Variants in SHROOM2 observed in about 807,000 individuals in gnomAD.
The protein encoded by SHROOM2 is protein Shroom2.
Under a neutral mutation model 75.9 loss-of-function variants are expected in SHROOM2, and 33 were observed. The observed-to-expected ratio is 0.43, with a 90% CI of 0.33 to 0.58. The LOEUF is 0.58. SHROOM2 is among the 20% of genes least tolerant of loss of function. The pLI, the probability that SHROOM2 is intolerant of heterozygous loss-of-function variation, is 0.04. For synonymous variants in SHROOM2, 655 were observed against 663.6 expected (o/e 0.99, Z 0.20); for missense variants, 1,434 against 1,461.2 (o/e 0.98, Z 0.30).
intron 7 of SHROOM2, among the ~76,000 whole-genome samples, chrX:9,938,229 A>T (rs1272420551): frequency 8.9e-6 from 1 of 111,881 alleles, no homozygotes; most frequent in African/African-American, 3.3e-5. Flanking sequence ...ACTTTATTTG[A>T]AATTTTTTTA....
intron 1 of SHROOM2, among the ~76,000 whole-genome samples, chrX:9,788,625 G>A (rs1429967378): frequency 9.0e-6 from 1 of 111,500 alleles, no homozygotes; most frequent in Admixed American, 9.5e-5. Context: ...ATCAGACTCT[G>A]GCCCCAGTGT....
At chrX:9,920,602 G>T (rs1569169890) in intron 5 of SHROOM2, among the ~76,000 whole-genome samples, 1 of 112,309 alleles carries the variant, frequency 8.9e-6, no homozygotes. Flanking sequence ...TTATCACAGA[G>T]ATTCAGATAT....
rs1245040476 is a variant in SHROOM2 at position 9,948,702 on chromosome X, T to A, written c.*1765T>A. 2 of 113,168 alleles carry A rather than the reference T, an allele frequency of 1.8e-5. No individual in the cohort carries two copies. The highest frequency in any genetic ancestry group is 6.4e-5 in the African/African-American group (2 of 31,064). The allele number at this position is 113,168 out of a possible 1,213,427, so 9.3% of individuals were successfully genotyped here. A position where few individuals can be genotyped will look rare whatever the true frequency, so the allele number is the denominator to read the frequency against. ...TGGCAGCCTACCAATGCCAAAAGGA[T>A]AAATGTCTTTCCAAAAGTGTGTATT... On this transcript the variant is annotated 3_prime_UTR_variant, in exon 10 of 10. Coordinates refer to ENST00000380913, the MANE Select transcript of SHROOM2 (RefSeq NM_001649.4).
intron 2 of SHROOM2, among the ~76,000 whole-genome samples, chrX:9,875,598 C>G (rs145949059): frequency 0.011 from 1,281 of 112,017 alleles, 18 homozygotes; most frequent in African/African-American, 0.04. Context: ...GCATAGCTGG[C>G]CAACTTTGTA....
intron 5 of SHROOM2, among the ~76,000 whole-genome samples, chrX:9,913,969 G>A (rs1171207211): frequency 1.8e-5 from 2 of 110,993 alleles, no homozygotes; most frequent in East Asian, 5.6e-4. Flanking sequence ...TGCATGGGTG[G>A]TAGAGGCACA....
intron 1 of SHROOM2, among the ~76,000 whole-genome samples, chrX:9,814,516 G>A (rs888910750): frequency 4.5e-5 from 5 of 111,320 alleles, no homozygotes; most frequent in Admixed American, 9.6e-5. Flanking sequence ...TGGGACTTTA[G>A]TGATAGGTCT....
At chrX:9,898,521 C>T (rs769346304) in intron 5 of SHROOM2, among the ~76,000 whole-genome samples, 4 of 112,514 alleles carry the variant, frequency 3.6e-5, no homozygotes, top group Admixed American at 2.8e-4. Flanking sequence ...CCTTCTTACA[C>T]GGCGGTGACA....
chrX:9,866,926 C>G (rs2084142691), intron 1 of SHROOM2, among the ~76,000 whole-genome samples: 1 of 110,664 alleles, frequency 9.0e-6, no homozygotes, highest in African/African-American at 3.3e-5. Flanking sequence ...GCCTTCCCAG[C>G]TTTTTCTAGT....
intron 1 of SHROOM2, among the ~76,000 whole-genome samples, chrX:9,789,358 C>T (rs1468436489): frequency 9.0e-6 from 1 of 110,996 alleles, no homozygotes; most frequent in Non-Finnish European, 1.9e-5. Context: ...TGACAGATGG[C>T]GACAGGATTC....
intron 2 of SHROOM2, among the ~76,000 whole-genome samples, chrX:9,885,191 A>T (rs2084253943): frequency 8.9e-6 from 1 of 112,320 alleles, no homozygotes; most frequent in African/African-American, 3.2e-5. Flanking sequence ...TCTGTCCTGC[A>T]CATGAGACCC....
intron 1 of SHROOM2, among the ~76,000 whole-genome samples, chrX:9,825,676 G>A (rs2083883897): frequency 2.7e-5 from 3 of 111,931 alleles, no homozygotes; most frequent in Admixed American, 9.5e-5. Context: ...CTGAGTGCTC[G>A]AGCTGCATTT....
At chrX:9,857,806 G>A (rs1033611885) in intron 1 of SHROOM2, among the ~76,000 whole-genome samples, 2 of 110,714 alleles carry the variant, frequency 1.8e-5, no homozygotes, top group African/African-American at 3.3e-5. Context: ...TGCAAAATTC[G>A]TGCATCCTGG....
rs961288162 is a variant in SHROOM2, at chrX:9,849,501, A to G, written c.166-24151A>G. Among the ~76,000 whole-genome samples, 4 of 111,847 alleles carry G rather than the reference A, an allele frequency of 3.6e-5. No individual in the cohort carries two copies. In the East Asian group the frequency reaches 1.1e-3, roughly 31 times the overall value. ...CTTGCTAAGCTGGGCGGGCGTGGCT[A>G]GGAGTTTGAGCAGTAACCAAAGTTT... On this transcript the variant is annotated intron_variant, in intron 1 of 9. Coordinates refer to ENST00000380913, the MANE Select transcript of SHROOM2 (RefSeq NM_001649.4).
At chrX:9,935,257 A>G (rs2084690176) in intron 6 of SHROOM2, among the ~76,000 whole-genome samples, 1 of 110,551 alleles carries the variant, frequency 9.0e-6, no homozygotes, top group South Asian at 3.8e-4. Flanking sequence ...GGGAGTGCAG[A>G]GGGTTCTGCG....
intron 1 of SHROOM2, among the ~76,000 whole-genome samples, chrX:9,790,945 AG>A (rs2083644418): frequency 9.0e-6 from 1 of 110,556 alleles, no homozygotes; most frequent in African/African-American, 3.3e-5. Flanking sequence ...GGAGGCTTTG[AG>A]GGTCAGCTCT....
chrX:9,904,737 C>T (rs2084382808), intron 5 of SHROOM2, among the ~76,000 whole-genome samples: 1 of 112,629 alleles, frequency 8.9e-6, no homozygotes, highest in Non-Finnish European at 1.9e-5. Flanking sequence ...TACCTGGAAA[C>T]ATAGATGTCC....
rs751904463 is a variant in SHROOM2, at chrX:9,895,319, G to A, written c.1411G>A (p.Gly471Arg). 41 of 1,172,280 alleles carry A rather than the reference G, an allele frequency of 3.5e-5. No individual in the cohort carries two copies. Among genetic ancestry groups the A allele is most frequent in the Non-Finnish European group, 4.6e-5 (40 of 876,556 alleles). The change falls in exon 4 of 10, where the codon GGG becomes AGG. Residue 471 changes from glycine to arginine, a missense_variant. Gly to Arg is a moderately radical substitution (Grantham distance 125). Around this residue, in one of 3 missense-constraint regions of SHROOM2, gnomAD observed 1,340 missense variants for 1,338.3 expected, o/e 1.00. Transcript: ENST00000380913. ...GCTCAGCAGCTGTGACCAGAAGCTG[G>A]GGAGCGGCTGGCAGGGTCCCCGGCC... ...RGLSSCDQKL[G>R]SGWQGPRPCV...
chrX:9,866,174 T>C (rs1391603477), intron 1 of SHROOM2, among the ~76,000 whole-genome samples: 1 of 105,541 alleles, frequency 9.5e-6, no homozygotes, highest in Non-Finnish European at 1.9e-5. Context: ...GGAGCACAAG[T>C]CTGTCTCACA....
At chrX:9,807,209 C>T (rs12013223) in intron 1 of SHROOM2, among the ~76,000 whole-genome samples, 231 of 112,199 alleles carry the variant, frequency 2.1e-3, no homozygotes, top group African/African-American at 6.9e-3. Context: ...CCAGCCCCGT[C>T]GCCATGCCTA....
Sources: allele counts gnomAD v4.1 joint callset (sites outside exome capture counted in the v4.1 genomes callset), GRCh38; gene constraint gnomAD v4.1.1; regional missense constraint gnomAD v4.1.1; transcripts MANE v1.5; gene names NCBI Gene and HGNC (gene_info 2026-07-23, HGNC 2026-07-21).